SLX4IP: variants seen among roughly 807,000 people sequenced by gnomAD.
SLX4IP encodes SLX4 interacting protein, also known as protein SLX4IP.
Under a neutral mutation model 32.9 loss-of-function variants are expected in SLX4IP, and 34 were observed. That is an observed-to-expected ratio of 1.03 (90% CI 0.79 to 1.38). The LOEUF (loss-of-function observed/expected upper bound fraction) is 1.38. SLX4IP is among the 40% of genes most tolerant of loss of function. The probability of loss-of-function intolerance (pLI) is 0.00; values close to 1 mark genes in which losing one functional copy is unlikely to be tolerated. For synonymous variants in SLX4IP, 172 were observed against 171.7 expected, an observed-to-expected ratio of 1.00 and a Z score of -0.01; for missense variants, 444 against 479.0, an observed-to-expected ratio of 0.93 and a Z score of 0.68.
At chr20:10,557,657 T>G (rs1873683983) in intron 3 of SLX4IP, among the ~76,000 whole-genome samples, 1 of 152,234 alleles carries the variant, frequency 6.6e-6, no homozygotes, top group Admixed American at 6.5e-5. Flanking sequence ...GAATCCACCA[T>G]TCCAGGCCTG....
Position 10,598,772 on chromosome 20 carries a change from G to A in SLX4IP, c.316+20G>A. The A allele has an allele frequency of 6.2e-7, 1 of 1,611,868 alleles. No individual in the cohort carries two copies. The highest frequency in any genetic ancestry group is 1.7e-4 in the Middle Eastern group (1 of 6,054). ...ATGCTGGTAAGAAGCCGATTTCTTGGTTTGTCAGACATTTCACACAATCTG... is the reference window on the plus strand; with the variant it reads ...ATGCTGGTAAGAAGCCGATTTCTTGATTTGTCAGACATTTCACACAATCTG... On this transcript the variant is annotated intron_variant, in intron 5 of 7. Coordinates refer to ENST00000334534, the MANE Select transcript of SLX4IP (RefSeq NM_001009608.3).
At chr20:10,618,795 G>GA (rs2067069366) in intron 6 of SLX4IP, among the ~76,000 whole-genome samples, 1 of 152,224 alleles carries the variant, frequency 6.6e-6, no homozygotes, top group African/African-American at 2.4e-5. Flanking sequence ...TCTGCACCTT[G>GA]GCGTTGTGCC....
At chr20:10,580,497 C>T (rs948194562) in intron 4 of SLX4IP, among the ~76,000 whole-genome samples, 1 of 104,584 alleles carries the variant, frequency 9.6e-6, no homozygotes, top group Admixed American at 1.1e-4. Context: ...GTTAGACTTA[C>T]CCTTTTTTTT....
At chr20:10,522,560 A>G (rs1671140179) in intron 2 of SLX4IP, among the ~76,000 whole-genome samples, 1 of 152,196 alleles carries the variant, frequency 6.6e-6, no homozygotes, top group South Asian at 2.1e-4. Context: ...TGCGGGTACC[A>G]GTGACAGTGC....
chr20:10,473,034 A>G lies in SLX4IP; in HGVS notation c.27+14803A>G, dbSNP rs116234701. Among the ~76,000 whole-genome samples the G allele has an allele frequency of 3.1e-3, 466 of 152,342 alleles. 2 individuals carry two copies. Among genetic ancestry groups the G allele is most frequent in the African/African-American group, 0.011 (439 of 41,580 alleles). ...CTTAGAACATTGTTGCTATTAAGAA[A>G]GCAGGCTTAAAAATAACTTAATTTG... On this transcript the variant is annotated intron_variant, in intron 2 of 7. Coordinates refer to ENST00000334534, the MANE Select transcript of SLX4IP (RefSeq NM_001009608.3).
chr20:10,560,595 T>C, intron 3 of SLX4IP, 105 bp from the exon 4 acceptor site: 1 of 936,428 alleles, frequency 1.1e-6, no homozygotes, highest in Non-Finnish European at 1.5e-6. Flanking sequence ...ACAGCTAAAT[T>C]AAAAAGCAAA....
At chr20:10,531,729 A>G (rs2122465183) in intron 2 of SLX4IP, among the ~76,000 whole-genome samples, 1 of 152,286 alleles carries the variant, frequency 6.6e-6, no homozygotes, top group African/African-American at 2.4e-5. Flanking sequence ...CTGCTTAAAT[A>G]GGATGGTCAG....
At chr20:10,559,240 G>A (rs2066304801) in intron 3 of SLX4IP, among the ~76,000 whole-genome samples, 1 of 152,146 alleles carries the variant, frequency 6.6e-6, no homozygotes, top group Non-Finnish European at 1.5e-5. Context: ...TGCATCTTTA[G>A]GCTGCAACAT....
chr20:10,574,005 T>G (rs2122517633), intron 4 of SLX4IP, among the ~76,000 whole-genome samples: 1 of 152,364 alleles, frequency 6.6e-6, no homozygotes, highest in East Asian at 1.9e-4. Context: ...AGTTTTATAC[T>G]TTTTACCAAA....
chr20:10,620,618 A>T (rs1419847243), intron 6 of SLX4IP, among the ~76,000 whole-genome samples: 1 of 151,964 alleles, frequency 6.6e-6, no homozygotes, highest in African/African-American at 2.4e-5. Context: ...CAGTGGTGCC[A>T]TCTCGGCTCA....
In SLX4IP at chr20:10,483,686, C is replaced by T. The variant is rs540070103; in HGVS notation, c.27+25455C>T. Among the ~76,000 whole-genome samples, 6 of 152,202 alleles carry T rather than the reference C, an allele frequency of 3.9e-5. No individual in the cohort carries two copies. In the East Asian group the frequency reaches 7.7e-4, roughly 20 times the overall value. The stretch of plus-strand genomic sequence containing the variant: ...AAAAGGAAACCATTTTAAGATAATG[C>T]TTTCCCAAAAGGAGTCTATGATAAT... On this transcript the variant is annotated intron_variant, in intron 2 of 7. Coordinates refer to ENST00000334534, the MANE Select transcript of SLX4IP (RefSeq NM_001009608.3).
Position 10,622,815 on chromosome 20 carries a change from A to G in SLX4IP, c.663A>G (p.Gln221=), listed in dbSNP as rs779784280. The stretch of plus-strand genomic sequence containing the variant: ...GTCCCCCATCAGAATCCATGGGACA[A>G]GCAAAGGATTCCATAAAGGCAGCTG... ...SSSPPSESMG[Q]AKDSIKAAES... Residue 221 remains glutamine, a synonymous_variant, in exon 8 of 8, where the codon CAA becomes CAG. Transcript: ENST00000334534. 6.2e-7 allele frequency: 1 copy of G among 1,614,042 alleles called. No individual in the cohort carries two copies. The highest frequency in any genetic ancestry group is 1.3e-5 in the African/African-American group (1 of 74,920).
intron 2 of SLX4IP, among the ~76,000 whole-genome samples, chr20:10,522,599 C>T (rs2122451202): frequency 6.6e-6 from 1 of 152,292 alleles, no homozygotes; most frequent in East Asian, 1.9e-4. Context: ...TTTTGTTGAC[C>T]TGTTGCATTC....
At chr20:10,455,403 G>A (rs1393489015) in intron 1 of SLX4IP, among the ~76,000 whole-genome samples, 1 of 151,974 alleles carries the variant, frequency 6.6e-6, no homozygotes, top group Admixed American at 6.6e-5. Context: ...TTTGTATATA[G>A]TGTGATGTAG....
chr20:10,597,882 T>G (rs1445037836), intron 4 of SLX4IP, among the ~76,000 whole-genome samples: 2 of 152,248 alleles, frequency 1.3e-5, no homozygotes, highest in Non-Finnish European at 2.9e-5. Context: ...CTTAGGCCAC[T>G]CTGGTGAGTT....
At chr20:10,597,968 AATTT>A (rs1470073306) in intron 4 of SLX4IP, among the ~76,000 whole-genome samples, 2 of 152,180 alleles carry the variant, frequency 1.3e-5, no homozygotes, top group African/African-American at 4.8e-5. Context: ...TACTTGAATT[AATTT>A]ATTTACAGGC....
rs1202287374 is a variant in SLX4IP at position 10,625,372 on chromosome 20, G to A, written c.*1993G>A. The A allele has an allele frequency of 6.6e-6, 1 of 152,214 alleles. No individual in the cohort carries two copies. The highest frequency in any genetic ancestry group is 1.5e-5 in the Non-Finnish European group (1 of 68,052). 9.4% of individuals were successfully genotyped at this position (152,214 alleles called of 1,614,324 possible). On this transcript the variant is annotated 3_prime_UTR_variant, in exon 8 of 8. Coordinates refer to ENST00000334534, the MANE Select transcript of SLX4IP (RefSeq NM_001009608.3). ...GGAAGAGTCTGGAATTAAAAAGACG[G>A]CTGTACTAGAACAGTAGCCACTGCC...
At chr20:10,546,829 T>A (rs1411671441) in intron 2 of SLX4IP, among the ~76,000 whole-genome samples, 1 of 152,188 alleles carries the variant, frequency 6.6e-6, no homozygotes, top group Non-Finnish European at 1.5e-5. Context: ...GGAAGGTACC[T>A]GCAGGTTTAT....
chr20:10,593,074 C>T (rs1453041717), intron 4 of SLX4IP, among the ~76,000 whole-genome samples: 1 of 152,190 alleles, frequency 6.6e-6, no homozygotes, highest in Non-Finnish European at 1.5e-5. Context: ...TGACTTCAGA[C>T]TGGAAACAGT....
Sources: gnomAD v4.1 joint callset for allele counts (sites outside exome capture counted in the v4.1 genomes callset) on GRCh38, gnomAD v4.1.1 for gene constraint, MANE v1.5 for transcripts, NCBI Gene and HGNC (gene_info 2026-07-23, HGNC 2026-07-21) for gene names.